Variants in ATP8B3 observed in about 807,000 individuals in gnomAD.
The protein encoded by ATP8B3 is phospholipid-transporting ATPase IK.
In ATP8B3, 141 loss-of-function variants were observed where a neutral mutation model predicts 140.9. That is an observed-to-expected ratio of 1.00 (90% CI 0.87 to 1.15). The LOEUF (loss-of-function observed/expected upper bound fraction) is 1.15. ATP8B3 is among the 50% of genes most tolerant of loss of function. The probability of loss-of-function intolerance (pLI) is 0.00; values close to 1 mark genes in which losing one functional copy is unlikely to be tolerated. For missense variants in ATP8B3, 1,874 were observed against 1,740.6 expected, an observed-to-expected ratio of 1.08 and a Z score of -1.36; for synonymous variants, 765 against 714.6, an observed-to-expected ratio of 1.07 and a Z score of -1.13.
At chr19:1,785,779 C>T (rs778450977) in intron 25 of ATP8B3, 71 bp from the exon 26 acceptor site, 17 of 1,484,684 alleles carry the variant, frequency 1.1e-5, no homozygotes, top group Admixed American at 2.1e-5. Context: ...AGGATCTCCT[C>T]GGGCAGGCCA....
intron 14 of ATP8B3, chr19:1,799,197 G>A (rs1259269632): frequency 6.6e-6 from 1 of 151,594 alleles, no homozygotes; most frequent in Non-Finnish European, 1.5e-5. Flanking sequence ...GGTGGCTCAT[G>A]CCTGCAATGC....
Position 1,785,845 on chromosome 19 carries a change from G to T in ATP8B3, c.3154-137C>A. ...TTGAGTTTAAGTGAGTTAAAATAAA[G>T]TAAGGCCAGGCACGGTGGCACACGC... is the stretch of plus-strand genomic sequence containing the variant. On this transcript the variant is annotated intron_variant, in intron 25 of 28. Transcript: ENST00000310127. The T allele has an allele frequency of 3.0e-6, 3 of 1,002,210 alleles. No homozygotes were observed. The East Asian group carries it at 7.9e-5, about 26-fold the overall frequency. 62.1% of individuals were successfully genotyped at this position (1,002,210 alleles called of 1,614,324 possible).
Position 1,806,562 on chromosome 19 carries a change from C to T in ATP8B3, c.677+66G>A. On this transcript the variant is annotated intron_variant, in intron 7 of 28. Transcript: ENST00000310127. The surrounding 1 kb of genome is among the most constrained non-coding windows in gnomAD (Gnocchi z 5.6). ...GGAAGGTGATGGACACTTGCCGAGG[C>T]CGATGACCCTGCTGGGCTGGAGCCC... The T allele has an allele frequency of 6.5e-7, 1 of 1,545,624 alleles. No homozygotes were observed. The highest frequency in any genetic ancestry group is 1.2e-5 in the South Asian group (1 of 83,686).
Position 1,805,134 on chromosome 19 carries a change from C to T in ATP8B3, c.904+240G>A, listed in dbSNP as rs553590487. On this transcript the variant is annotated intron_variant, in intron 10 of 28. Coordinates refer to ENST00000310127, the MANE Select transcript of ATP8B3 (RefSeq NM_138813.4). This position sits in a 1 kb window ranked among gnomAD's most constrained non-coding sequence, Gnocchi z 5.2. ...GGGACCACCGGCATGTGCCACCACG[C>T]CCAGCTACTTGTTTTATTTTTGTAG... is the stretch of plus-strand genomic sequence containing the variant. 2.0e-4 allele frequency: 95 copies of T among 486,712 alleles called. No homozygotes were observed. Among genetic ancestry groups the T allele is most frequent in the African/African-American group, 1.8e-3 (90 of 51,380 alleles). The allele number at this position is 486,712 out of a possible 1,614,324, so 30.1% of individuals were successfully genotyped here. A position where few individuals can be genotyped will look rare whatever the true frequency, so the allele number is the denominator to read the frequency against.
At chr19:1,791,154 G>A (rs2068497622) in intron 20 of ATP8B3, among the ~76,000 whole-genome samples, 1 of 152,144 alleles carries the variant, frequency 6.6e-6, no homozygotes, top group Non-Finnish European at 1.5e-5. Flanking sequence ...AAATCAGAAG[G>A]GAAATAATTG....
At position 1,807,170 on chromosome 19, in the gene ATP8B3, T is replaced by G. The variant is rs780559103; in HGVS notation, c.613A>C (p.Met205Leu). 1 of 1,603,428 alleles carries G rather than the reference T, an allele frequency of 6.2e-7. No homozygotes were observed. Among genetic ancestry groups the G allele is most frequent in the East Asian group, 2.3e-5 (1 of 44,142 alleles). The change falls in exon 6 of 29, where the codon ATG becomes CTG. Residue 205 changes from methionine to leucine, a missense_variant and splice_region_variant. This residue lies in a region of ATP8B3 where 1,032 missense variants were observed against 963.6 expected (regional missense o/e 1.07). Transcript: ENST00000310127. This position sits in a 1 kb window ranked among gnomAD's most constrained non-coding sequence, Gnocchi z 5.9. ...CAGCTGCATCCAACAGCACTCACCA[T>G]GTCGTCCACCAGGTCCCGGGTGGCA... is the stretch of plus-strand genomic sequence containing the variant. Reference protein sequence around the residue: ...IRATRDLVDDMGRHKSDRAIN... With the variant: ...IRATRDLVDDLGRHKSDRAIN...
Position 1,806,293 on chromosome 19 carries a change from C to A in ATP8B3, c.678-124G>T. On this transcript the variant is annotated intron_variant, in intron 7 of 28. Transcript: ENST00000310127. This position sits in a 1 kb window ranked among gnomAD's most constrained non-coding sequence, Gnocchi z 5.6. ...AGTCCCCACCTCCGGGCCTTTGCCC[C>A]CTCAGGAAGCCTTCCCCGGGCTCCC... The A allele has an allele frequency of 1.3e-6, 2 of 1,491,076 alleles. No individual in the cohort carries two copies. The highest frequency in any genetic ancestry group is 2.6e-5 in the South Asian group (2 of 76,104). The allele number at this position is 1,491,076 out of a possible 1,614,324, so 92.4% of individuals were successfully genotyped here. A position where few individuals can be genotyped will look rare whatever the true frequency, so the allele number is the denominator to read the frequency against.
Position 1,806,599 on chromosome 19 carries a change from C to A in ATP8B3, c.677+29G>T. ...CTGGGCTGGAGCCCCCGTGTCCCCG[C>A]GGATCCCCAGCTGCAGCCCCAGCCT... On this transcript the variant is annotated intron_variant, in intron 7 of 28. Coordinates refer to ENST00000310127, the MANE Select transcript of ATP8B3 (RefSeq NM_138813.4). This position sits in a 1 kb window ranked among gnomAD's most constrained non-coding sequence, Gnocchi z 5.6. The A allele has an allele frequency of 6.4e-7, 1 of 1,551,494 alleles. No homozygotes were observed. The highest frequency in any genetic ancestry group is 8.7e-7 in the Non-Finnish European group (1 of 1,147,526).
rs61749070 is a variant in ATP8B3, at chr19:1,796,115, A to G, written c.1904T>C (p.Met635Thr). ...EERVYQVLAI[M>T]DFNSTRKRMS... The stretch of plus-strand genomic sequence containing the variant: ...CCGTTTGCGCGTGCTGTTGAAGTCC[A>G]TTATGGCCAGGACCTGGTAGACCCG... Residue 635 changes from methionine to threonine, a missense_variant, in exon 17 of 29, where the codon ATG becomes ACG. Around this residue, in one of 3 missense-constraint regions of ATP8B3, gnomAD observed 1,032 missense variants for 963.6 expected, o/e 1.07. Transcript: ENST00000310127. 4.3e-6 allele frequency: 7 copies of G among 1,612,992 alleles called. No individual in the cohort carries two copies. The East Asian group carries it at 1.3e-4, about 31-fold the overall frequency.
At chr19:1,784,100 C>T (rs766262849) in intron 28 of ATP8B3, among the ~76,000 whole-genome samples, 4 of 152,088 alleles carry the variant, frequency 2.6e-5, no homozygotes, top group Non-Finnish European at 4.4e-5. Context: ...TGGAGCGTGC[C>T]GTGTTGACCC....
intron 21 of ATP8B3, among the ~76,000 whole-genome samples, 161 bp from the exon 22 acceptor site, chr19:1,790,150 G>C (rs1295398864): frequency 1.2e-5 from 1 of 86,386 alleles, no homozygotes; most frequent in Non-Finnish European, 2.3e-5. Flanking sequence ...TCCTCCTCCC[G>C]CCGCTGCCCC....
rs1386675395 is a variant in ATP8B3 at position 1,783,236 on chromosome 19, A to C, written c.3695T>G (p.Ile1232Ser). 1 of 1,610,540 alleles carries C rather than the reference A, an allele frequency of 6.2e-7. No homozygotes were observed. The highest frequency in any genetic ancestry group is 1.3e-5 in the African/African-American group (1 of 74,678). The change falls in exon 29 of 29, where the codon ATT (isoleucine) becomes AGT (serine). Residue 1232 changes from isoleucine to serine, a missense_variant. This residue lies in a region of ATP8B3 where 840 missense variants were observed against 760.9 expected (regional missense o/e 1.10). Coordinates refer to ENST00000310127, the MANE Select transcript of ATP8B3 (RefSeq NM_138813.4). ...ATGAGGCAAGGGCTCCATGGTGAAA[A>C]TCTCCTCGCTGGGGCCCTCCTCCAC... is the stretch of plus-strand genomic sequence containing the variant. ...EKVEEGPSEE[I>S]FTMEPLPHVH...
In ATP8B3 at chr19:1,800,003, G is replaced by T. The variant is rs368056747; in HGVS notation, c.1496C>A (p.Thr499Lys). The change falls in exon 14 of 29, where the codon ACG becomes AAG. Residue 499 changes from threonine (T) to lysine (K), a missense_variant. Physicochemically the swap from Thr to Lys is moderately conservative, Grantham distance 78. Coordinates refer to ENST00000310127, the MANE Select transcript of ATP8B3 (RefSeq NM_138813.4). This position sits in a 1 kb window ranked among gnomAD's most constrained non-coding sequence, Gnocchi z 4.4. ...GAAGGTCAAGATGTTCTGCGTGAGC[G>T]TGCCCGTCTTGTCCGAGAAGATGTA... ...VEYIFSDKTG[T>K]LTQNILTFNK... 6.2e-6 allele frequency: 10 copies of T among 1,606,648 alleles called. No homozygotes were observed. Among genetic ancestry groups the T allele is most frequent in the African/African-American group, 1.3e-5 (1 of 74,962 alleles).
rs1428568347 is a variant in ATP8B3 at position 1,807,397 on chromosome 19, C to T, written c.517-131G>A. The stretch of plus-strand genomic sequence containing the variant: ...GCTGGCCACCTTGACCGGGGTCCAG[C>T]CATCTCCTGCAACCCCCAGCCCTCG... On this transcript the variant is annotated intron_variant, in intron 5 of 28. Coordinates refer to ENST00000310127, the MANE Select transcript of ATP8B3 (RefSeq NM_138813.4). The surrounding 1 kb of genome is among the most constrained non-coding windows in gnomAD (Gnocchi z 5.9). 1.6e-5 allele frequency: 11 copies of T among 695,938 alleles called. No homozygotes were observed. Among genetic ancestry groups the T allele is most frequent in the Non-Finnish European group, 2.2e-5 (9 of 405,046 alleles). The allele number at this position is 695,938 out of a possible 1,614,324, so 43.1% of individuals were successfully genotyped here.
At chr19:1,796,022 T>TCC (rs749187292) in intron 17 of ATP8B3, 35 bp from the exon 18 acceptor site, 13 of 1,611,582 alleles carry the variant, frequency 8.1e-6, no homozygotes, top group Non-Finnish European at 1.1e-5. Flanking sequence ...CCACAGAGGC[T>TCC]CCCCGTCTGC....
chr19:1,798,689 G>A (rs2068753913), intron 14 of ATP8B3: 1 of 151,674 alleles, frequency 6.6e-6, no homozygotes, highest in Admixed American at 6.6e-5. Context: ...AGTGAGCCGA[G>A]ATCGCGCCAC....
Position 1,800,984 on chromosome 19 carries a change from A to G in ATP8B3, c.1153-535T>C, listed in dbSNP as rs2068830655. 6.6e-6 allele frequency among the ~76,000 whole-genome samples: 1 copy of G among 150,638 alleles called. No individual in the cohort carries two copies. Among genetic ancestry groups the G allele is most frequent in the Non-Finnish European group, 1.5e-5 (1 of 67,710 alleles). ...GCTGGGACTACAGGCGCCCGCCACCACGCCCGGCTAATTTTTTGTATTTTT... is the reference window on the plus strand; with the variant it reads ...GCTGGGACTACAGGCGCCCGCCACCGCGCCCGGCTAATTTTTTGTATTTTT... On this transcript the variant is annotated intron_variant, in intron 12 of 28. Transcript: ENST00000310127. The surrounding 1 kb of genome is among the most constrained non-coding windows in gnomAD (Gnocchi z 4.4).
chr19:1,809,610 C>T, intron 4 of ATP8B3, 33 bp downstream of exon 4: 1 of 1,557,494 alleles, frequency 6.4e-7, no homozygotes. Flanking sequence ...GGCAGCTCCT[C>T]TGGAGCAGGG....
At chr19:1,795,833 ACACACACACACACAT>A (rs767032942) in intron 18 of ATP8B3, 27 bp downstream of exon 18, 60 of 1,384,058 alleles carry the variant, frequency 4.3e-5, no homozygotes, top group Non-Finnish European at 5.5e-5. Flanking sequence ...ACACACACAC[ACACACACACACACAT>A]AAGCCAGCCT....
Sources: allele counts gnomAD v4.1 joint callset (sites outside exome capture counted in the v4.1 genomes callset), GRCh38; gene constraint gnomAD v4.1.1; regional missense constraint gnomAD v4.1.1; non-coding constraint Gnocchi (gnomAD v3.1); transcripts MANE v1.5; gene names NCBI Gene and HGNC (gene_info 2026-07-23, HGNC 2026-07-21).